The following KCNAB1 variants were observed in gnomAD, a reference collection of about 807,000 sequenced individuals.
The protein encoded by KCNAB1 is voltage-gated potassium channel subunit beta-1.
A neutral mutation model predicts 64.6 loss-of-function variants in KCNAB1; 35 were observed. The ratio of observed to expected loss-of-function variants is 0.54; its 90% CI spans 0.41 to 0.72. The LOEUF (loss-of-function observed/expected upper bound fraction) is 0.72. Among genes scored for constraint, KCNAB1 ranks in the 30% least tolerant of loss-of-function variants. The pLI is 0.00. For missense variants in KCNAB1, 401 were observed against 512.9 expected (o/e 0.78, Z 2.11); for synonymous variants, 177 against 183.8 (o/e 0.96, Z 0.30).
At chr3:156,124,968 T>C (rs1163868120) in intron 1 of KCNAB1, among the ~76,000 whole-genome samples, 1 of 151,948 alleles carries the variant, frequency 6.6e-6, no homozygotes, top group Non-Finnish European at 1.5e-5. Context: ...TGAAACCTTG[T>C]CTCTACTAAA....
At chr3:156,273,781 T>G (rs1427270231) in intron 1 of KCNAB1, 2 of 400,444 alleles carry the variant, frequency 5.0e-6, no homozygotes, top group African/African-American at 4.1e-5. Flanking sequence ...CAATGGAGGC[T>G]TCTATTCAGC....
intron 1 of KCNAB1, among the ~76,000 whole-genome samples, chr3:156,253,664 C>T (rs1717953099): frequency 6.6e-6 from 1 of 152,206 alleles, no homozygotes; most frequent in South Asian, 2.1e-4. Context: ...CAGCTTCTTC[C>T]CTGAACCTAA....
intron 1 of KCNAB1, among the ~76,000 whole-genome samples, chr3:156,348,715 A>G (rs1724663249): frequency 6.6e-6 from 1 of 152,174 alleles, no homozygotes; most frequent in African/African-American, 2.4e-5. Flanking sequence ...TAAATTCAAT[A>G]TTGTTATTGA....
intron 1 of KCNAB1, chr3:156,176,832 C>G (rs1458657902): frequency 1.6e-5 from 16 of 983,198 alleles, no homozygotes; most frequent in Non-Finnish European, 2.5e-5. Context: ...TCCCGCCACT[C>G]CCAACAGCAA....
chr3:156,474,278 T>C (rs906125395), intron 7 of KCNAB1, among the ~76,000 whole-genome samples: 14 of 152,206 alleles, frequency 9.2e-5, no homozygotes, highest in Non-Finnish European at 1.6e-4. Context: ...CAGTCATTTA[T>C]TTCTGATTTA....
chr3:156,195,223 G>C (rs1211216076), intron 1 of KCNAB1, among the ~76,000 whole-genome samples: 2 of 152,152 alleles, frequency 1.3e-5, no homozygotes, highest in Admixed American at 1.3e-4. Flanking sequence ...GTTTGCTGTT[G>C]TGAATAGTGC....
intron 11 of KCNAB1, among the ~76,000 whole-genome samples, chr3:156,520,198 A>T (rs1717847461): frequency 1.3e-5 from 2 of 152,236 alleles, no homozygotes; most frequent in Admixed American, 1.3e-4. Flanking sequence ...AGTCTGATCA[A>T]GAGACCAGGT....
chr3:156,140,097 C>T (rs549613905), intron 1 of KCNAB1, among the ~76,000 whole-genome samples: 1 of 152,152 alleles, frequency 6.6e-6, no homozygotes, highest in East Asian at 1.9e-4. Flanking sequence ...TCTTTAAAAC[C>T]TTTCTAATAC....
intron 1 of KCNAB1, among the ~76,000 whole-genome samples, chr3:156,321,044 A>C (rs991614365): frequency 3.3e-5 from 5 of 152,180 alleles, no homozygotes; most frequent in African/African-American, 1.2e-4. Flanking sequence ...TGCTAATATT[A>C]ATAGCAGAAT....
intron 1 of KCNAB1, among the ~76,000 whole-genome samples, chr3:156,328,355 C>T (rs147702867): frequency 1.1e-4 from 16 of 152,190 alleles, no homozygotes; most frequent in African/African-American, 2.6e-4. Flanking sequence ...ATTGAAAGAA[C>T]GTGTCGTTTC....
intron 1 of KCNAB1, among the ~76,000 whole-genome samples, chr3:156,132,589 T>C (rs1714067616): frequency 6.6e-6 from 1 of 152,136 alleles, no homozygotes; most frequent in Non-Finnish European, 1.5e-5. Context: ...CATGGGCTGA[T>C]GTCTCAGGAG....
At chr3:156,324,600 A>G (rs1011602157) in intron 1 of KCNAB1, among the ~76,000 whole-genome samples, 4 of 152,152 alleles carry the variant, frequency 2.6e-5, no homozygotes, top group African/African-American at 9.7e-5. Context: ...GGAGTTCTCA[A>G]GTTCGGAACT....
At chr3:156,409,605 T>C (rs976875990) in intron 1 of KCNAB1, among the ~76,000 whole-genome samples, 1 of 152,174 alleles carries the variant, frequency 6.6e-6, no homozygotes, top group African/African-American at 2.4e-5. Context: ...TTTCCTTTTA[T>C]ATCAAATAAA....
At chr3:156,346,415 T>C (rs1724484509) in intron 1 of KCNAB1, among the ~76,000 whole-genome samples, 1 of 152,048 alleles carries the variant, frequency 6.6e-6, no homozygotes, top group African/African-American at 2.4e-5. Flanking sequence ...TATGGTAAAA[T>C]GAAAGTCCAC....
chr3:156,489,920 CA>C (rs907041898), intron 8 of KCNAB1, among the ~76,000 whole-genome samples: 100 of 152,104 alleles, frequency 6.6e-4, no homozygotes, highest in African/African-American at 2.4e-3. Context: ...AGGCAGGGAC[CA>C]GGAACAAGGT....
chr3:156,538,568 G>A lies in KCNAB1; in HGVS notation c.*1821G>A, dbSNP rs1211000852. On this transcript the variant is annotated 3_prime_UTR_variant, in exon 14 of 14. Coordinates refer to ENST00000490337, the MANE Select transcript of KCNAB1 (RefSeq NM_172160.3). ...GAAATGTGATTTGATTGATTTATTT[G>A]CTTAGAGTAATAAAAGCATTTTGTG... The A allele has an allele frequency of 6.6e-6, 1 of 152,194 alleles. No individual in the cohort carries two copies. Among genetic ancestry groups the A allele is most frequent in the African/African-American group, 2.4e-5 (1 of 41,436 alleles). 9.4% of individuals were successfully genotyped at this position (152,194 alleles called of 1,614,324 possible).
At chr3:156,385,912 C>G (rs1329058901) in intron 1 of KCNAB1, among the ~76,000 whole-genome samples, 1 of 152,106 alleles carries the variant, frequency 6.6e-6, no homozygotes. Context: ...GATTTAATCA[C>G]CTCTTTAGGT....
In KCNAB1 at chr3:156,417,811, T is replaced by G. The variant is rs546322055; in HGVS notation, c.276-3805T>G. ...CATGGAACAAATCATTGTCCTGAAA[T>G]AAGGTCAGCCATGTATTCACCGAGT... On this transcript the variant is annotated intron_variant, in intron 1 of 13. Transcript: ENST00000490337. Among the ~76,000 whole-genome samples, 11 of 152,060 alleles carry G rather than the reference T, an allele frequency of 7.2e-5. No homozygotes were observed. The South Asian group carries it at 2.3e-3, about 32-fold the overall frequency.
At chr3:156,433,873 G>C (rs1015210528) in intron 2 of KCNAB1, among the ~76,000 whole-genome samples, 1 of 152,126 alleles carries the variant, frequency 6.6e-6, no homozygotes, top group East Asian at 1.9e-4. Flanking sequence ...GTTGCCCCGT[G>C]GTTGTATTTA....
Sources: allele counts gnomAD v4.1 joint callset (sites outside exome capture counted in the v4.1 genomes callset), GRCh38; gene constraint gnomAD v4.1.1; transcripts MANE v1.5; gene names NCBI Gene and HGNC (gene_info 2026-07-23, HGNC 2026-07-21).